The following SHMT1 variants were observed in gnomAD, a reference collection of about 807,000 sequenced individuals.
SHMT1 encodes serine hydroxymethyltransferase 1.
Under a neutral mutation model 49.0 loss-of-function variants are expected in SHMT1, and 45 were observed. That is an observed-to-expected ratio of 0.92 (90% CI 0.72 to 1.18). SHMT1 has a LOEUF of 1.18. Among genes scored for constraint, SHMT1 ranks in the 50% most tolerant of loss-of-function variants. The probability of loss-of-function intolerance (pLI) is 0.00; values close to 1 mark genes in which losing one functional copy is unlikely to be tolerated. For synonymous variants in SHMT1, 232 were observed against 246.6 expected, an observed-to-expected ratio of 0.94 and a Z score of 0.55; for missense variants, 541 against 612.4, an observed-to-expected ratio of 0.88 and a Z score of 1.23.
chr17:18,361,298 CAAA>C (rs57119291), intron 1 of SHMT1, among the ~76,000 whole-genome samples: 4 of 97,844 alleles, frequency 4.1e-5, no homozygotes, highest in Non-Finnish European at 7.9e-5. Context: ...GACTCTGTCT[CAAA>C]AAAAAAAAAA....
intron 7 of SHMT1, among the ~76,000 whole-genome samples, chr17:18,337,659 T>G (rs1313159241): frequency 1.3e-5 from 2 of 148,596 alleles, no homozygotes; most frequent in Non-Finnish European, 3.0e-5. Flanking sequence ...CTCGGCTCAC[T>G]GCAACCTCCC....
intron 3 of SHMT1, among the ~76,000 whole-genome samples, chr17:18,349,193 G>C (rs1985423101): frequency 6.6e-6 from 1 of 152,098 alleles, no homozygotes; most frequent in South Asian, 2.1e-4. Flanking sequence ...GCCGAGGTGG[G>C]CAGATCACCT....
chr17:18,347,377 A>C, intron 5 of SHMT1, 119 bp downstream of exon 5: 1 of 1,183,072 alleles, frequency 8.5e-7, no homozygotes, highest in Non-Finnish European at 1.3e-6. Context: ...GGAAATTAAA[A>C]ACGGTGCGAG....
chr17:18,342,631 T>C (rs2151582885), intron 5 of SHMT1, among the ~76,000 whole-genome samples: 1 of 152,126 alleles, frequency 6.6e-6, no homozygotes, highest in South Asian at 2.1e-4. Context: ...CTTACTTCTA[T>C]GTGAAATCTA....
chr17:18,336,466 G>A (rs1458584038), intron 7 of SHMT1, among the ~76,000 whole-genome samples: 1 of 152,108 alleles, frequency 6.6e-6, no homozygotes, highest in Admixed American at 6.5e-5. Flanking sequence ...AGGAGTTCAA[G>A]ACCAGCTGGG....
intron 8 of SHMT1, 24 bp downstream of exon 8, chr17:18,335,535 G>A (rs1452745215): frequency 8.0e-6 from 12 of 1,498,114 alleles, no homozygotes; most frequent in Admixed American, 5.0e-5. Flanking sequence ...GCTACAGGAT[G>A]AGCAGAGGCA....
chr17:18,334,968 C>T (rs537217887), intron 8 of SHMT1, among the ~76,000 whole-genome samples: 6 of 152,360 alleles, frequency 3.9e-5, no homozygotes, highest in African/African-American at 1.4e-4. Flanking sequence ...AGAAGCTACA[C>T]CTTCATCCTG....
chr17:18,343,641 CG>C (rs1984771866), intron 5 of SHMT1, among the ~76,000 whole-genome samples: 1 of 143,108 alleles, frequency 7.0e-6, no homozygotes, highest in Non-Finnish European at 1.5e-5. Flanking sequence ...AGGGGTCAGC[CG>C]GATGCGGTGG....
chr17:18,360,559 CA>C lies in SHMT1; in HGVS notation c.-20+2812del, dbSNP rs55861230. On this transcript the variant is annotated intron_variant, in intron 1 of 11. Coordinates refer to ENST00000316694, the MANE Select transcript of SHMT1 (RefSeq NM_004169.5). Reference sequence around the variant, plus strand: ...TGGCCAAGAGAACAAGACCCTGTCTCAAAAAAAAAAAAAAGAAAAGAAAAGA... The same window carrying C: ...TGGCCAAGAGAACAAGACCCTGTCTCAAAAAAAAAAAAAGAAAAGAAAAGA... 4.8e-3 allele frequency: 523 copies of C among 109,432 alleles called. 1 individual carries two copies. The highest frequency in any genetic ancestry group is 0.014 in the Middle Eastern group (3 of 212). 6.8% of individuals were successfully genotyped at this position (109,432 alleles called of 1,614,324 possible). A position where few individuals can be genotyped will look rare whatever the true frequency, so the allele number is the denominator to read the frequency against.
At position 18,328,101 on chromosome 17, in the gene SHMT1, G is replaced by A. The variant is rs1391392910; in HGVS notation, c.*649C>T. ...GGGAGGGAGTTGGTTATCTCAGGTGGAGCAGGAAAGCCTGGTTGATTCTCA... is the reference window on the plus strand; with the variant it reads ...GGGAGGGAGTTGGTTATCTCAGGTGAAGCAGGAAAGCCTGGTTGATTCTCA... On this transcript the variant is annotated 3_prime_UTR_variant, in exon 12 of 12. Coordinates refer to ENST00000316694, the MANE Select transcript of SHMT1 (RefSeq NM_004169.5). The A allele has an allele frequency of 6.6e-6, 1 of 152,410 alleles. No individual in the cohort carries two copies. The highest frequency in any genetic ancestry group is 2.4e-5 in the African/African-American group (1 of 41,426). The allele number at this position is 152,410 out of a possible 1,614,324, so 9.4% of individuals were successfully genotyped here.
intron 1 of SHMT1, among the ~76,000 whole-genome samples, chr17:18,359,239 A>AG (rs1201725460): frequency 5.4e-5 from 8 of 149,364 alleles, no homozygotes; most frequent in Non-Finnish European, 7.4e-5. Context: ...CTCTGTCTCC[A>AG]GGGGAAAAAA....
chr17:18,332,849 GACC>G (rs1310915476), intron 9 of SHMT1: 2 of 407,620 alleles, frequency 4.9e-6, no homozygotes, highest in African/African-American at 4.1e-5. Flanking sequence ...CCAGGTGTGT[GACC>G]ACTACAGCCC....
chr17:18,361,715 G>C (rs1986795522), intron 1 of SHMT1, among the ~76,000 whole-genome samples: 1 of 151,924 alleles, frequency 6.6e-6, no homozygotes, highest in South Asian at 2.1e-4. Context: ...GAACCCGGGA[G>C]GCGGAGCTTG....
intron 5 of SHMT1, 52 bp downstream of exon 5, chr17:18,347,444 G>C: frequency 6.3e-7 from 1 of 1,597,554 alleles, no homozygotes; most frequent in Non-Finnish European, 8.6e-7. Flanking sequence ...GCACAGCCAA[G>C]CATCAGAGGT....
chr17:18,353,623 T>G, intron 3 of SHMT1, 49 bp downstream of exon 3: 1 of 1,591,532 alleles, frequency 6.3e-7, no homozygotes, highest in South Asian at 1.1e-5. Context: ...GCTGACTGAG[T>G]ACTCCCTATG....
chr17:18,348,742 A>AGGCAG, intron 3 of SHMT1: 1 of 532,168 alleles, frequency 1.9e-6, no homozygotes, highest in African/African-American at 1.9e-5. Context: ...TGAGGAGCCA[A>AGGCAG]GGCAGGAGGA....
intron 1 of SHMT1, among the ~76,000 whole-genome samples, chr17:18,362,780 C>G (rs1218716990): frequency 6.6e-6 from 1 of 152,222 alleles, no homozygotes; most frequent in Non-Finnish European, 1.5e-5. Flanking sequence ...AAGAACTTCA[C>G]AGTGCAACAT....
chr17:18,331,224 TGAACC>T, intron 9 of SHMT1: 1 of 227,070 alleles, frequency 4.4e-6, no homozygotes, highest in Non-Finnish European at 8.8e-6. Context: ...CCTTCCACTT[TGAACC>T]TTCATTAAGC....
At chr17:18,344,559 G>T (rs1326069827) in intron 5 of SHMT1, among the ~76,000 whole-genome samples, 3 of 87,060 alleles carry the variant, frequency 3.4e-5, no homozygotes, top group Admixed American at 1.5e-4. Context: ...AAAATTTTTT[G>T]TGTAGCCACA....
Sources: gnomAD v4.1 joint callset for allele counts (sites outside exome capture counted in the v4.1 genomes callset) on GRCh38, gnomAD v4.1.1 for gene constraint, MANE v1.5 for transcripts, NCBI Gene and HGNC (gene_info 2026-07-23, HGNC 2026-07-21) for gene names.